The following INTS7 variants were observed in gnomAD, a reference collection of about 807,000 sequenced individuals.
The protein encoded by INTS7 is integrator complex subunit 7.
In INTS7, 46 loss-of-function variants were observed where a neutral mutation model predicts 109.2. The observed-to-expected ratio is 0.42, with a 90% CI of 0.33 to 0.54. INTS7 has a LOEUF of 0.54. Ranked by LOEUF, INTS7 falls within the 20% of genes least tolerant of loss-of-function variation. The pLI is 0.07. For missense variants in INTS7, 929 were observed against 1,132.4 expected, an observed-to-expected ratio of 0.82 and a Z score of 2.58; for synonymous variants, 412 against 402.9, an observed-to-expected ratio of 1.02 and a Z score of -0.27.
At chr1:211,986,999 T>C (rs1664921344) in intron 8 of INTS7, among the ~76,000 whole-genome samples, 1 of 152,114 alleles carries the variant, frequency 6.6e-6, no homozygotes, top group African/African-American at 2.4e-5. Context: ...AAACTTGCAT[T>C]AAAACAAAAC....
At chr1:212,034,405 G>A (rs1667324617) in intron 1 of INTS7, among the ~76,000 whole-genome samples, 1 of 152,086 alleles carries the variant, frequency 6.6e-6, no homozygotes. Context: ...CAGAAAACTG[G>A]GAAGTGGCTC....
chr1:211,984,921 G>A (rs927895745), intron 8 of INTS7, among the ~76,000 whole-genome samples: 1 of 151,854 alleles, frequency 6.6e-6, no homozygotes, highest in African/African-American at 2.4e-5. Flanking sequence ...TAATTTCTTT[G>A]AGTCCTCTAT....
intron 4 of INTS7, among the ~76,000 whole-genome samples, chr1:212,013,880 T>G: frequency 6.6e-6 from 1 of 152,288 alleles, no homozygotes; most frequent in Admixed American, 6.5e-5. Context: ...TCCTCTACAA[T>G]GTTTGCACAA....
chr1:212,019,119 C>G (rs932528115), intron 3 of INTS7, among the ~76,000 whole-genome samples: 1 of 152,006 alleles, frequency 6.6e-6, no homozygotes, highest in African/African-American at 2.4e-5. Flanking sequence ...AGTGTGGTGG[C>G]GGGCACCTAC....
At chr1:211,992,135 C>T (rs1055324510) in intron 7 of INTS7, among the ~76,000 whole-genome samples, 2 of 151,930 alleles carry the variant, frequency 1.3e-5, no homozygotes, top group African/African-American at 4.8e-5. Context: ...CTTTTTGTTA[C>T]CTAAATTGGC....
At position 212,021,218 on chromosome 1, in the gene INTS7, G is replaced by GAA. The variant is rs771470578; in HGVS notation, c.95-8_95-7dup. 113 of 1,415,648 alleles carry GAA rather than the reference G, an allele frequency of 8.0e-5. No individual in the cohort carries two copies. In the African/African-American group the frequency reaches 1.0e-3, roughly 13 times the overall value. 87.7% of individuals were successfully genotyped at this position (1,415,648 alleles called of 1,614,324 possible). ...AAGTTTGCCAGATCTTAGGCCTATG[G>GAA]AAAAAAAAAAGCACAGAGAGGGAAG... On this transcript the variant is annotated splice_region_variant and splice_polypyrimidine_tract_variant and intron_variant, in intron 1 of 19. Coordinates refer to ENST00000366994, the MANE Select transcript of INTS7 (RefSeq NM_015434.4).
chr1:211,972,016 C>T (rs1371805558), intron 13 of INTS7, among the ~76,000 whole-genome samples: 2 of 151,068 alleles, frequency 1.3e-5, no homozygotes, highest in Non-Finnish European at 2.9e-5. Context: ...AGTACTGTTA[C>T]CTTTGTGGAA....
intron 16 of INTS7, among the ~76,000 whole-genome samples, chr1:211,955,115 T>A (rs1663303995): frequency 6.6e-6 from 1 of 152,150 alleles, no homozygotes; most frequent in East Asian, 1.9e-4. Context: ...TCTTGTCCCT[T>A]GTAAGTTGGA....
intron 7 of INTS7, among the ~76,000 whole-genome samples, chr1:211,998,405 A>G (rs1665509018): frequency 6.6e-6 from 1 of 152,260 alleles, no homozygotes; most frequent in Non-Finnish European, 1.5e-5. Context: ...TTGGAAATAA[A>G]TCCATACAGA....
At chr1:211,992,286 T>G (rs938650586) in intron 7 of INTS7, among the ~76,000 whole-genome samples, 2 of 152,080 alleles carry the variant, frequency 1.3e-5, no homozygotes, top group Non-Finnish European at 2.9e-5. Flanking sequence ...ATATTTAGCC[T>G]TCTGTGGTAA....
intron 12 of INTS7, among the ~76,000 whole-genome samples, chr1:211,976,251 T>C (rs1418749637): frequency 6.6e-6 from 1 of 152,140 alleles, no homozygotes; most frequent in Non-Finnish European, 1.5e-5. Flanking sequence ...GGAACAAAGA[T>C]GTGGTATACT....
At chr1:212,023,583 T>C (rs2102494937) in intron 1 of INTS7, among the ~76,000 whole-genome samples, 1 of 152,338 alleles carries the variant, frequency 6.6e-6, no homozygotes, top group Middle Eastern at 3.4e-3. Flanking sequence ...TTGCCCACTT[T>C]TTAATAGGGT....
chr1:211,967,367 G>A (rs781151052), intron 15 of INTS7, among the ~76,000 whole-genome samples: 8 of 147,828 alleles, frequency 5.4e-5, no homozygotes, highest in Admixed American at 7.0e-5. Flanking sequence ...CAGGAGAATC[G>A]CTTGAACCCA....
rs150255243 is a variant in INTS7, at chr1:212,017,621, A to G, written c.372-598T>C. 8.8e-3 allele frequency among the ~76,000 whole-genome samples: 1,340 copies of G among 152,346 alleles called. 8 individuals carry two copies. Among genetic ancestry groups the G allele is most frequent in the Non-Finnish European group, 0.014 (945 of 68,026 alleles). ...ATACATTTAGAAAGGAAAAAAATCT[A>G]TTGTTTGTGGTATAAACTACAGAAA... is the stretch of plus-strand genomic sequence containing the variant. On this transcript the variant is annotated intron_variant, in intron 3 of 19. Coordinates refer to ENST00000366994, the MANE Select transcript of INTS7 (RefSeq NM_015434.4).
chr1:211,955,910 C>T (rs897977533), intron 16 of INTS7, among the ~76,000 whole-genome samples: 1 of 152,186 alleles, frequency 6.6e-6, no homozygotes, highest in South Asian at 2.1e-4. Context: ...AAGACAAGAA[C>T]TGAAGCTCAT....
chr1:212,016,797 CAG>C (rs1666464001), intron 4 of INTS7, 87 bp downstream of exon 4: 1 of 975,984 alleles, frequency 1.0e-6, no homozygotes, highest in African/African-American at 1.7e-5. Context: ...CTGTATCTCT[CAG>C]TGTTTATATA....
chr1:212,021,190 A>C lies in INTS7; in HGVS notation c.117T>G (p.Gly39=). The C allele has an allele frequency of 6.2e-7, 1 of 1,611,752 alleles. No individual in the cohort carries two copies. The highest frequency in any genetic ancestry group is 8.5e-7 in the Non-Finnish European group (1 of 1,179,070). ...AGCGAACAACTGCTTCACACTGTTC[A>C]CCAAGTTTGCCAGATCTTAGGCCTA... is the stretch of plus-strand genomic sequence containing the variant. ...LDKGLRSGKL[G]EQCEAVVRFP... Residue 39 remains glycine (G), a synonymous_variant, in exon 2 of 20, where the codon GGT becomes GGG. Transcript: ENST00000366994.
chr1:212,011,553 A>G, intron 4 of INTS7, 132 bp from the exon 5 acceptor site: 1 of 643,006 alleles, frequency 1.6e-6, no homozygotes, highest in Non-Finnish European at 2.8e-6. Context: ...TTCCAAGGTC[A>G]GGTGCTCGGG....
chr1:212,027,007 A>C lies in INTS7; in HGVS notation c.95-5795T>G, dbSNP rs548912325. On this transcript the variant is annotated intron_variant, in intron 1 of 19. Coordinates refer to ENST00000366994, the MANE Select transcript of INTS7 (RefSeq NM_015434.4). ...TGTTTTGATTTATCTAATATCATCA[A>C]ACTTTTTTCTCTGAGATAAAATAGA... is the stretch of plus-strand genomic sequence containing the variant. Among the ~76,000 whole-genome samples the C allele has an allele frequency of 4.6e-5, 7 of 152,358 alleles. No homozygotes were observed. The East Asian group carries it at 1.3e-3, about 29-fold the overall frequency.
Sources: allele counts gnomAD v4.1 joint callset (sites outside exome capture counted in the v4.1 genomes callset), GRCh38; gene constraint gnomAD v4.1.1; transcripts MANE v1.5; gene names NCBI Gene and HGNC (gene_info 2026-07-23, HGNC 2026-07-21).